CHST3: variants seen among roughly 807,000 people sequenced by gnomAD.
CHST3 encodes C6ST-1.
Under a neutral mutation model 35.4 loss-of-function variants are expected in CHST3, and 20 were observed. That is an observed-to-expected ratio of 0.57 (90% confidence interval 0.40 to 0.82). The LOEUF (loss-of-function observed/expected upper bound fraction) is 0.82, where lower values mean the gene tolerates loss of function less well. Ranked by LOEUF, CHST3 falls within the 40% of genes least tolerant of loss-of-function variation. The probability of loss-of-function intolerance (pLI) is 0.00; values close to 1 mark genes in which losing one functional copy is unlikely to be tolerated. For synonymous variants in CHST3, 334 were observed against 295.9 expected, an observed-to-expected ratio of 1.13 and a Z score of -1.32; for missense variants, 693 against 670.1, an observed-to-expected ratio of 1.03 and a Z score of -0.38.
intron 1 of CHST3, among the ~76,000 whole-genome samples, chr10:71,968,797 CTG>C (rs1372448106): frequency 6.6e-6 from 1 of 152,106 alleles, no homozygotes; most frequent in African/African-American, 2.4e-5. Flanking sequence ...AGTCAGAAAA[CTG>C]TGGAGATTTT....
intron 1 of CHST3, among the ~76,000 whole-genome samples, chr10:71,995,421 CAAAAAA>C (rs35954993): frequency 2.5e-5 from 3 of 120,226 alleles, no homozygotes; most frequent in African/African-American, 3.2e-5. Flanking sequence ...GAGTCTGTCT[CAAAAAA>C]AAAAAAAAAA....
At position 72,007,977 on chromosome 10, in the gene CHST3, G is replaced by A. The variant is rs1244623065; in HGVS notation, c.946G>A (p.Gly316Ser). 1.3e-6 allele frequency: 2 copies of A among 1,549,446 alleles called. No homozygotes were observed. Among genetic ancestry groups the A allele is most frequent in the East Asian group, 4.9e-5 (2 of 40,876 alleles). ...GGCCTCGCGCATGGTGGCCTTCGCC[G>A]GCAAGTATAAGACCTGGAAGAAGTG... ...VLASRMVAFA[G>S]KYKTWKKWLD... The change falls in exon 3 of 3, where the codon GGC (glycine) becomes AGC (serine). Residue 316 changes from glycine to serine, a missense_variant. Gly to Ser is a moderately conservative substitution (Grantham distance 56). Coordinates refer to ENST00000373115, the MANE Select transcript of CHST3 (RefSeq NM_004273.5).
chr10:72,012,691 C>T lies in CHST3; in HGVS notation c.*4220C>T, dbSNP rs1370713936. 3 of 152,294 alleles carry T rather than the reference C, an allele frequency of 2.0e-5. No individual in the cohort carries two copies. The highest frequency in any genetic ancestry group is 4.4e-5 in the Non-Finnish European group (3 of 68,128). The allele number at this position is 152,294 out of a possible 1,614,324, so 9.4% of individuals were successfully genotyped here. A position where few individuals can be genotyped will look rare whatever the true frequency, so the allele number is the denominator to read the frequency against. On this transcript the variant is annotated 3_prime_UTR_variant, in exon 3 of 3. Transcript: ENST00000373115. ...GCCAAGTGTGTCTTATTGATCTGTACAAGCTGATAGAAGGACCATCTGCTG... is the reference window on the plus strand; with the variant it reads ...GCCAAGTGTGTCTTATTGATCTGTATAAGCTGATAGAAGGACCATCTGCTG...
rs74148144 is a variant in CHST3, at chr10:71,971,121, G to T, written c.-108+6427G>T. ...TTAGAAGGGGGAGAGCCAGGGCTTG[G>T]CAGCGGAGGGTCCTCACCTTGCATC... On this transcript the variant is annotated intron_variant, in intron 1 of 2. Transcript: ENST00000373115. Among the ~76,000 whole-genome samples, 1,364 of 152,258 alleles carry T rather than the reference G, an allele frequency of 9.0e-3. 19 individuals carry two copies. The highest frequency in any genetic ancestry group is 0.029 in the African/African-American group (1,204 of 41,534).
intron 1 of CHST3, among the ~76,000 whole-genome samples, chr10:71,974,311 A>C (rs1013569112): frequency 1.3e-5 from 2 of 152,208 alleles, no homozygotes; most frequent in South Asian, 2.1e-4. Context: ...CAAGGTTGTT[A>C]GCAATGTCTC....
At chr10:71,971,817 G>A (rs1016248061) in intron 1 of CHST3, among the ~76,000 whole-genome samples, 14 of 152,276 alleles carry the variant, frequency 9.2e-5, no homozygotes, top group African/African-American at 2.9e-4. Context: ...CTGAGGGCCT[G>A]TCCTGCAGGT....
chr10:71,968,038 G>A (rs893859819), intron 1 of CHST3, among the ~76,000 whole-genome samples: 19 of 147,700 alleles, frequency 1.3e-4, no homozygotes, highest in African/African-American at 4.7e-4. Context: ...GAATGGTCTC[G>A]ATCTCCTGAC....
At chr10:72,003,430 T>C (rs771203028) in intron 1 of CHST3, among the ~76,000 whole-genome samples, 6 of 152,206 alleles carry the variant, frequency 3.9e-5, no homozygotes, top group Non-Finnish European at 7.3e-5. Context: ...CCAGGCACAG[T>C]GGCTCACACC....
At chr10:71,972,262 C>T (rs943911307) in intron 1 of CHST3, among the ~76,000 whole-genome samples, 1 of 152,194 alleles carries the variant, frequency 6.6e-6, no homozygotes, top group Non-Finnish European at 1.5e-5. Flanking sequence ...CTCTCAGTAC[C>T]ACCTGTGCGT....
Position 72,009,984 on chromosome 10 carries a change from G to A in CHST3, c.*1513G>A, listed in dbSNP as rs942273374. Reference sequence around the variant, plus strand: ...AGGAGGAGCCTTCCCCAGGAGGAACGAGGAGAGGTGGCCACGTGGCAGGCC... The same window carrying A: ...AGGAGGAGCCTTCCCCAGGAGGAACAAGGAGAGGTGGCCACGTGGCAGGCC... On this transcript the variant is annotated 3_prime_UTR_variant, in exon 3 of 3. Transcript: ENST00000373115. 5 of 152,874 alleles carry A rather than the reference G, an allele frequency of 3.3e-5. No individual in the cohort carries two copies. Among genetic ancestry groups the A allele is most frequent in the African/African-American group, 4.8e-5 (2 of 41,466 alleles). The allele number at this position is 152,874 out of a possible 1,614,324, so 9.5% of individuals were successfully genotyped here. A position where few individuals can be genotyped will look rare whatever the true frequency, so the allele number is the denominator to read the frequency against.
chr10:72,007,697 G>T lies in CHST3; in HGVS notation c.666G>T (p.Arg222=). 2 of 1,607,408 alleles carry T rather than the reference G, an allele frequency of 1.2e-6. No homozygotes were observed. Residue 222 remains arginine, a synonymous_variant, in exon 3 of 3, where the codon CGG becomes CGT. Coordinates refer to ENST00000373115, the MANE Select transcript of CHST3 (RefSeq NM_004273.5). ...ACCTGACTCAGTTCATGTTCCGCCGGGGCTCCAGCCGCTCCCTGTGCGAGG... is the reference window on the plus strand; with the variant it reads ...ACCTGACTCAGTTCATGTTCCGCCGTGGCTCCAGCCGCTCCCTGTGCGAGG... ...EDHLTQFMFR[R]GSSRSLCEDP...
At chr10:71,966,391 A>G (rs1304042640) in intron 1 of CHST3, among the ~76,000 whole-genome samples, 1 of 152,162 alleles carries the variant, frequency 6.6e-6, no homozygotes, top group Non-Finnish European at 1.5e-5. Flanking sequence ...CCAGAGGAGC[A>G]GAAACATTCG....
rs1489313083 is a variant in CHST3, at chr10:72,012,753, A to C, written c.*4282A>C. On this transcript the variant is annotated 3_prime_UTR_variant, in exon 3 of 3. Transcript: ENST00000373115. Reference sequence around the variant, plus strand: ...TCCTGAGTTGGTGGGTTTGCTTGTGAAGCTTCTAGGACAAGGCGCAGCCAG... The same window carrying C: ...TCCTGAGTTGGTGGGTTTGCTTGTGCAGCTTCTAGGACAAGGCGCAGCCAG... 6.6e-6 allele frequency: 1 copy of C among 152,368 alleles called. No individual in the cohort carries two copies. The highest frequency in any genetic ancestry group is 2.4e-5 in the African/African-American group (1 of 41,442). The allele number at this position is 152,368 out of a possible 1,614,324, so 9.4% of individuals were successfully genotyped here.
chr10:71,997,738 T>C, intron 1 of CHST3, among the ~76,000 whole-genome samples: 1 of 146,494 alleles, frequency 6.8e-6, no homozygotes, highest in Non-Finnish European at 1.5e-5. Flanking sequence ...CTCGGCGCAC[T>C]GCAACCTCCA....
intron 1 of CHST3, among the ~76,000 whole-genome samples, chr10:71,976,943 T>C (rs1839751330): frequency 6.6e-6 from 1 of 152,208 alleles, no homozygotes; most frequent in South Asian, 2.1e-4. Flanking sequence ...TGTGGTCTCT[T>C]TCCCATGCCG....
At chr10:71,992,998 C>T (rs561749615) in intron 1 of CHST3, among the ~76,000 whole-genome samples, 23 of 152,274 alleles carry the variant, frequency 1.5e-4, no homozygotes, top group African/African-American at 4.8e-4. Flanking sequence ...TTGTCCAACC[C>T]GCAGGCCACG....
chr10:71,983,559 T>C (rs1839820560), intron 1 of CHST3, among the ~76,000 whole-genome samples: 1 of 152,182 alleles, frequency 6.6e-6, no homozygotes, highest in African/African-American at 2.4e-5. Context: ...CAAACAGTTC[T>C]CTTGCCTCAG....
At chr10:71,979,131 G>C (rs140480494) in intron 1 of CHST3, among the ~76,000 whole-genome samples, 45 of 152,286 alleles carry the variant, frequency 3.0e-4, no homozygotes, top group African/African-American at 1.1e-3. Context: ...GATATGAATG[G>C]TGCAAGGTAG....
intron 1 of CHST3, among the ~76,000 whole-genome samples, chr10:71,972,087 C>T (rs1013191814): frequency 6.6e-5 from 10 of 152,112 alleles, no homozygotes; most frequent in South Asian, 2.1e-4. Flanking sequence ...ACCTACAAGG[C>T]GTCCTCACCG....
Sources: allele counts gnomAD v4.1 joint callset (sites outside exome capture counted in the v4.1 genomes callset), GRCh38; gene constraint gnomAD v4.1.1; transcripts MANE v1.5; gene names NCBI Gene and HGNC (gene_info 2026-07-23, HGNC 2026-07-21).